DPP10: variants seen among roughly 807,000 people sequenced by gnomAD.
DPP10 encodes inactive dipeptidyl peptidase 10.
In DPP10, 33 loss-of-function variants were observed where a neutral mutation model predicts 120.9. The observed-to-expected ratio is 0.27, with a 90% CI of 0.21 to 0.37. The LOEUF (loss-of-function observed/expected upper bound fraction) is 0.37, where lower values mean the gene tolerates loss of function less well. Among genes scored for constraint, DPP10 ranks in the 10% least tolerant of loss-of-function variants. The probability of loss-of-function intolerance (pLI) is 1.00; values close to 1 mark genes in which losing one functional copy is unlikely to be tolerated. For missense variants in DPP10, 816 were observed against 942.8 expected (o/e 0.87, Z 1.76); for synonymous variants, 337 against 326.1 (o/e 1.03, Z -0.36).
At chr2:115,151,414 CTT>C (rs35551255) in intron 1 of DPP10, among the ~76,000 whole-genome samples, 10 of 141,096 alleles carry the variant, frequency 7.1e-5, no homozygotes, top group African/African-American at 7.8e-5. Flanking sequence ...CTTTCTTATA[CTT>C]TTTTTTTTTT....
chr2:114,799,451 C>T (rs1684003953), intron 1 of DPP10, among the ~76,000 whole-genome samples: 1 of 152,172 alleles, frequency 6.6e-6, no homozygotes, highest in African/African-American at 2.4e-5. Context: ...ACTAAACAGA[C>T]AGTAAAGATA....
intron 5 of DPP10, among the ~76,000 whole-genome samples, chr2:115,547,572 A>G (rs907886650): frequency 6.6e-6 from 1 of 152,068 alleles, no homozygotes; most frequent in African/African-American, 2.4e-5. Context: ...CAGGTGTTCA[A>G]CACCTGCCTG....
intron 1 of DPP10, among the ~76,000 whole-genome samples, chr2:114,864,078 A>G (rs1690031998): frequency 6.6e-6 from 1 of 152,220 alleles, no homozygotes; most frequent in African/African-American, 2.4e-5. Context: ...AATGCAATGA[A>G]AATAAGGAAG....
At chr2:115,700,301 T>C (rs370153994) in intron 7 of DPP10, among the ~76,000 whole-genome samples, 1 of 152,104 alleles carries the variant, frequency 6.6e-6, no homozygotes, top group Non-Finnish European at 1.5e-5. Context: ...GTCAGTAGTA[T>C]ACTACATTAA....
intron 2 of DPP10, among the ~76,000 whole-genome samples, chr2:115,331,001 A>G (rs1574450367): frequency 6.6e-6 from 1 of 152,100 alleles, no homozygotes; most frequent in African/African-American, 2.4e-5. Context: ...CATTGAATCT[A>G]TAAATTACCT....
At chr2:114,755,382 C>A (rs1679632587) in intron 1 of DPP10, among the ~76,000 whole-genome samples, 6 of 152,180 alleles carry the variant, frequency 3.9e-5, no homozygotes, top group Admixed American at 3.9e-4. Flanking sequence ...CAAACTCATC[C>A]TCCTGGGCTC....
intron 1 of DPP10, among the ~76,000 whole-genome samples, chr2:114,824,129 G>T (rs377091468): frequency 6.6e-6 from 1 of 152,192 alleles, no homozygotes; most frequent in South Asian, 2.1e-4. Context: ...GTAGTCTTAT[G>T]TGTGGAATGA....
chr2:115,222,705 G>A (rs923420186), intron 1 of DPP10, among the ~76,000 whole-genome samples: 2 of 151,898 alleles, frequency 1.3e-5, no homozygotes, highest in Admixed American at 6.6e-5. Flanking sequence ...AAGCATTTTA[G>A]TGCATCTTCA....
At chr2:114,999,617 C>T (rs774007311) in intron 1 of DPP10, among the ~76,000 whole-genome samples, 7 of 152,232 alleles carry the variant, frequency 4.6e-5, no homozygotes, top group Non-Finnish European at 7.4e-5. Flanking sequence ...TTTGTCGGTG[C>T]TAATTCCTCT....
intron 1 of DPP10, among the ~76,000 whole-genome samples, chr2:115,001,899 A>G (rs944107773): frequency 6.6e-6 from 1 of 152,224 alleles, no homozygotes. Context: ...GACAAATGGA[A>G]AAACATTCTA....
chr2:115,612,232 C>G (rs1338606943), intron 5 of DPP10, among the ~76,000 whole-genome samples: 2 of 152,082 alleles, frequency 1.3e-5, no homozygotes, highest in African/African-American at 4.8e-5. Flanking sequence ...CTTGAGGAAG[C>G]ATGAAATTTT....
chr2:115,160,374 GACA>G (rs952207048), intron 1 of DPP10, among the ~76,000 whole-genome samples: 22 of 152,004 alleles, frequency 1.4e-4, no homozygotes, highest in Non-Finnish European at 1.8e-4. Context: ...TAATATTTAG[GACA>G]ACATTATAAT....
intron 19 of DPP10, among the ~76,000 whole-genome samples, chr2:115,805,397 G>GC (rs1424790278): frequency 6.6e-6 from 1 of 152,058 alleles, no homozygotes; most frequent in African/African-American, 2.4e-5. Flanking sequence ...GCGATGCCTC[G>GC]CCCTGCTTTG....
chr2:115,834,038 C>G (rs7600072), intron 21 of DPP10, among the ~76,000 whole-genome samples: 44,302 of 151,932 alleles, frequency 0.29, 6,659 homozygotes, highest in Middle Eastern at 0.45. Context: ...TGAGAATGAG[C>G]AAAGGCACTT....
chr2:115,241,740 T>C (rs770804083), intron 1 of DPP10, among the ~76,000 whole-genome samples: 120 of 152,234 alleles, frequency 7.9e-4, no homozygotes, highest in Non-Finnish European at 2.8e-4. Context: ...CATCTTACTT[T>C]TAAATTGAAC....
At chr2:115,394,469 C>CAAAAAAAAAAAA (rs34655384) in intron 3 of DPP10, among the ~76,000 whole-genome samples, 2 of 91,156 alleles carry the variant, frequency 2.2e-5, no homozygotes, top group Non-Finnish European at 2.3e-5. Context: ...TCAACCTCAC[C>CAAAAAAAAAAAA]AAAAAAAAAA....
chr2:115,623,015 T>G (rs2149288824), intron 5 of DPP10, among the ~76,000 whole-genome samples: 1 of 151,914 alleles, frequency 6.6e-6, no homozygotes, highest in Non-Finnish European at 1.5e-5. Flanking sequence ...ACTAACTTGG[T>G]TTTGTATTTT....
rs558842495 is a variant in DPP10, at chr2:115,166,655, A to T, written c.61-142584A>T. ...GCTTAGAATCTTCTAATATATCTAT[A>T]TATCTGTTTGATTATTTCAGGATCT... On this transcript the variant is annotated intron_variant, in intron 1 of 25. Coordinates refer to ENST00000410059, the MANE Select transcript of DPP10 (RefSeq NM_020868.6). Among the ~76,000 whole-genome samples the T allele has an allele frequency of 2.0e-5, 3 of 146,442 alleles. No individual in the cohort carries two copies. The South Asian group carries it at 6.4e-4, about 31-fold the overall frequency.
At chr2:115,454,359 A>C (rs2073357181) in intron 3 of DPP10, among the ~76,000 whole-genome samples, 1 of 151,698 alleles carries the variant, frequency 6.6e-6, no homozygotes, top group Admixed American at 6.6e-5. Flanking sequence ...AACTAAATTC[A>C]AGAACATATA....
Sources: allele counts gnomAD v4.1 joint callset (sites outside exome capture counted in the v4.1 genomes callset), GRCh38; gene constraint gnomAD v4.1.1; transcripts MANE v1.5; gene names NCBI Gene and HGNC (gene_info 2026-07-23, HGNC 2026-07-21).